The following CGNL1 variants were observed in gnomAD, a reference collection of about 807,000 sequenced individuals.
CGNL1 encodes the protein cingulin-like protein 1.
In CGNL1, 132 loss-of-function variants were observed where a neutral mutation model predicts 141.2. That is an observed-to-expected ratio of 0.93 (90% CI 0.81 to 1.08). The LOEUF (loss-of-function observed/expected upper bound fraction) is 1.08. Among genes scored for constraint, CGNL1 ranks in the 50% least tolerant of loss-of-function variants. The pLI, the probability that CGNL1 is intolerant of heterozygous loss-of-function variation, is 0.00. For missense variants in CGNL1, 1,870 were observed against 1,588.6 expected (o/e 1.18, Z -3.01); for synonymous variants, 690 against 622.1 (o/e 1.11, Z -1.63).
At chr15:57,495,286 C>T (rs1281162301) in intron 8 of CGNL1, among the ~76,000 whole-genome samples, 2 of 152,100 alleles carry the variant, frequency 1.3e-5, no homozygotes, top group African/African-American at 4.8e-5. Flanking sequence ...TACCACCATG[C>T]CTTCCAGTTG....
chr15:57,389,022 A>T (rs1419041825), intron 1 of CGNL1, among the ~76,000 whole-genome samples: 1 of 151,714 alleles, frequency 6.6e-6, no homozygotes, highest in African/African-American at 2.4e-5. Flanking sequence ...AACTATAGAG[A>T]GGTGTTTTTT....
chr15:57,451,061 A>AT (rs1286303705), intron 4 of CGNL1, among the ~76,000 whole-genome samples: 1 of 152,160 alleles, frequency 6.6e-6, no homozygotes, highest in Non-Finnish European at 1.5e-5. Flanking sequence ...TTTGTTGCTG[A>AT]TTTTTTGCTA....
intron 3 of CGNL1, among the ~76,000 whole-genome samples, chr15:57,441,758 TGAAG>T (rs2063189794): frequency 6.6e-6 from 1 of 152,208 alleles, no homozygotes; most frequent in African/African-American, 2.4e-5. Flanking sequence ...AGGTGCCTGT[TGAAG>T]GAAGTTTATT....
Position 57,461,810 on chromosome 15 carries a change from A to G in CGNL1, c.2321A>G (p.His774Arg). 6.2e-7 allele frequency: 1 copy of G among 1,614,132 alleles called. No homozygotes were observed. The highest frequency in any genetic ancestry group is 1.1e-5 in the South Asian group (1 of 91,086). The stretch of plus-strand genomic sequence containing the variant: ...GCCCTGAAAGAAGAGGTTTCCAGCC[A>G]TGATCAGGAGATGGACAAGCTGAAG... ...KGALKEEVSS[H>R]DQEMDKLKEQ... Residue 774 changes from histidine (H) to arginine (R), a missense_variant, in exon 8 of 19, where the codon CAT (histidine) becomes CGT (arginine). Transcript: ENST00000281282.
intron 10 of CGNL1, among the ~76,000 whole-genome samples, chr15:57,519,894 C>T (rs1427183075): frequency 6.6e-6 from 1 of 152,220 alleles, no homozygotes; most frequent in African/African-American, 2.4e-5. Flanking sequence ...AGGAACTTTT[C>T]ACACATACGG....
In CGNL1 at chr15:57,439,302, C is replaced by G. The variant is rs775595104; in HGVS notation, c.1303C>G (p.Arg435Gly). The G allele has an allele frequency of 2.5e-6, 4 of 1,614,092 alleles. No individual in the cohort carries two copies. Among genetic ancestry groups the G allele is most frequent in the South Asian group, 1.1e-5 (1 of 91,090 alleles). ...CPQRPLSQER[R>G]GKQSVGRTFA... Reference sequence around the variant, plus strand: ...GCAGCGGCCACTGTCTCAGGAGCGCCGTGGGAAACAGAGCGTGGGCCGCAC... The same window carrying G: ...GCAGCGGCCACTGTCTCAGGAGCGCGGTGGGAAACAGAGCGTGGGCCGCAC... The change falls in exon 2 of 19, where the codon CGT becomes GGT. Residue 435 changes from arginine to glycine, a missense_variant. By Grantham distance (125) the Arg-to-Gly change is moderately radical. Coordinates refer to ENST00000281282, the MANE Select transcript of CGNL1 (RefSeq NM_032866.5).
chr15:57,421,605 A>G (rs16977489), intron 1 of CGNL1, among the ~76,000 whole-genome samples: 40,710 of 152,000 alleles, frequency 0.27, 5,595 homozygotes, highest in East Asian at 0.43. Context: ...ACCTAACTGA[A>G]GGAAAAAATG....
At chr15:57,543,205 AC>A (rs1460224625) in intron 14 of CGNL1, among the ~76,000 whole-genome samples, 6 of 132,818 alleles carry the variant, frequency 4.5e-5, no homozygotes, top group Non-Finnish European at 7.9e-5. Flanking sequence ...TATACCCATC[AC>A]CCCAATCCTC....
At chr15:57,416,896 C>A (rs1178424425) in intron 1 of CGNL1, among the ~76,000 whole-genome samples, 9 of 152,164 alleles carry the variant, frequency 5.9e-5, no homozygotes, top group African/African-American at 1.2e-4. Context: ...AACATCTATT[C>A]CAGAGTTCAG....
At chr15:57,428,386 C>T (rs1014394871) in intron 1 of CGNL1, among the ~76,000 whole-genome samples, 3 of 152,204 alleles carry the variant, frequency 2.0e-5, no homozygotes, top group Non-Finnish European at 4.4e-5. Flanking sequence ...CCAGAGTTTA[C>T]ACATCTCTAA....
chr15:57,388,462 C>T (rs2062507437), intron 1 of CGNL1, among the ~76,000 whole-genome samples: 1 of 152,196 alleles, frequency 6.6e-6, no homozygotes, highest in Non-Finnish European at 1.5e-5. Flanking sequence ...GCCTGGACTG[C>T]CCGGATCTGA....
intron 5 of CGNL1, among the ~76,000 whole-genome samples, chr15:57,451,828 A>G (rs2063325936): frequency 6.6e-6 from 1 of 152,178 alleles, no homozygotes; most frequent in African/African-American, 2.4e-5. Context: ...GACAGAGTAA[A>G]AGAAACCCTG....
chr15:57,499,238 CTTTTTTTTTTT>C (rs201081475), intron 8 of CGNL1, among the ~76,000 whole-genome samples: 2 of 91,846 alleles, frequency 2.2e-5, no homozygotes, highest in Non-Finnish European at 4.2e-5. Context: ...AAGTTAATGG[CTTTTTTTTTTT>C]TTTTTTTTTT....
chr15:57,440,486 C>T lies in CGNL1; in HGVS notation c.1697+15C>T, dbSNP rs755019029. On this transcript the variant is annotated intron_variant, in intron 3 of 18. Coordinates refer to ENST00000281282, the MANE Select transcript of CGNL1 (RefSeq NM_032866.5). ...CTCAAAGAAGGGTTAGTGATTTTCCCTCTGAAAGAGCAAAGTATTGTTGTT... is the reference window on the plus strand; with the variant it reads ...CTCAAAGAAGGGTTAGTGATTTTCCTTCTGAAAGAGCAAAGTATTGTTGTT... 6 of 1,544,754 alleles carry T rather than the reference C, an allele frequency of 3.9e-6. No individual in the cohort carries two copies. The highest frequency in any genetic ancestry group is 1.9e-5 in the Admixed American group (1 of 53,800).
At position 57,425,740 on chromosome 15, in the gene CGNL1, C is replaced by CAAAA. The variant is rs35847617; in HGVS notation, c.-15-12229_-15-12226dup. On this transcript the variant is annotated intron_variant, in intron 1 of 18. Transcript: ENST00000281282. ...TGGGTGACAGAGCAAGAGCCTGTCTCAAAAAAAAAAAAAAAAAAATCCGCA... is the reference window on the plus strand; with the variant it reads ...TGGGTGACAGAGCAAGAGCCTGTCTCAAAAAAAAAAAAAAAAAAAAAAATCCGCA... Among the ~76,000 whole-genome samples, 82 of 114,154 alleles carry CAAAA rather than the reference C, an allele frequency of 7.2e-4. 1 individual carries two copies. The highest frequency in any genetic ancestry group is 3.4e-3 in the East Asian group (12 of 3,536). The allele number at this position is 114,154 out of a possible 152,430, so 74.9% of individuals were successfully genotyped here. A position where few individuals can be genotyped will look rare whatever the true frequency, so the allele number is the denominator to read the frequency against.
intron 1 of CGNL1, among the ~76,000 whole-genome samples, chr15:57,408,206 T>G (rs1480592620): frequency 1.3e-5 from 2 of 152,004 alleles, no homozygotes; most frequent in African/African-American, 2.4e-5. Flanking sequence ...ACGAAGCCAT[T>G]TCCCACAAGC....
intron 1 of CGNL1, among the ~76,000 whole-genome samples, chr15:57,423,581 G>A (rs1401907022): frequency 3.9e-5 from 6 of 152,268 alleles, no homozygotes; most frequent in Middle Eastern, 3.4e-3. Context: ...TGTTCCATCT[G>A]CATCCCGTCT....
At chr15:57,455,058 C>A (rs575373647) in intron 7 of CGNL1, among the ~76,000 whole-genome samples, 4 of 152,104 alleles carry the variant, frequency 2.6e-5, no homozygotes, top group African/African-American at 9.6e-5. Flanking sequence ...AGTTTTGATA[C>A]CTGCTTTTAA....
At chr15:57,385,487 G>T (rs1007450425) in intron 1 of CGNL1, among the ~76,000 whole-genome samples, 1 of 152,176 alleles carries the variant, frequency 6.6e-6, no homozygotes, top group Non-Finnish European at 1.5e-5. Context: ...CTCCAGCCTG[G>T]GTGACAGAGA....
Sources: gnomAD v4.1 joint callset for allele counts (sites outside exome capture counted in the v4.1 genomes callset) on GRCh38, gnomAD v4.1.1 for gene constraint, MANE v1.5 for transcripts, NCBI Gene and HGNC (gene_info 2026-07-23, HGNC 2026-07-21) for gene names.